ANK1: variants seen among roughly 807,000 people sequenced by gnomAD.
ANK1 encodes the protein ankyrin 1.
ANK1 carries 51 observed loss-of-function variants against 210.4 expected under a neutral mutation model. The observed-to-expected ratio is 0.24, with a 90% CI of 0.19 to 0.31. ANK1 has a LOEUF of 0.31. Among genes scored for constraint, ANK1 ranks in the 10% least tolerant of loss-of-function variants. The pLI is 1.00. For synonymous variants in ANK1, 967 were observed against 1,025.9 expected (o/e 0.94, Z 1.10); for missense variants, 2,051 against 2,504.4 (o/e 0.82, Z 3.86).
chr8:41,769,967 TTTC>T (rs144633376), intron 1 of ANK1, among the ~76,000 whole-genome samples: 14,252 of 134,176 alleles, frequency 0.11, 536 homozygotes, highest in South Asian at 0.11. Flanking sequence ...TTCTTTTTTT[TTTC>T]TTTTTTCTTT....
chr8:41,800,997 G>A (rs188726677), upstream of ANK1, among the ~76,000 whole-genome samples: 12 of 152,212 alleles, frequency 7.9e-5, no homozygotes, highest in Admixed American at 4.6e-4. Context: ...TATGCTGTGT[G>A]AATTCTTCTG....
At chr8:41,765,036 G>A (rs746975348) in intron 1 of ANK1, among the ~76,000 whole-genome samples, 4 of 152,030 alleles carry the variant, frequency 2.6e-5, no homozygotes, top group East Asian at 1.9e-4. Context: ...GTGCTATACC[G>A]CTTCCTGGGT....
chr8:41,845,714 C>T (rs1170038270), intron 1 of ANK1, among the ~76,000 whole-genome samples: 1 of 152,126 alleles, frequency 6.6e-6, no homozygotes. Context: ...AATTATGTCT[C>T]CTCACGAAAT....
intron 1 of ANK1, among the ~76,000 whole-genome samples, chr8:41,886,541 T>C (rs1410219130): frequency 6.6e-6 from 1 of 152,228 alleles, no homozygotes; most frequent in East Asian, 1.9e-4. Flanking sequence ...TACACTGGAA[T>C]AGTATGGGAC....
chr8:41,725,665 C>G, intron 6 of ANK1, 96 bp downstream of exon 6: 1 of 1,508,440 alleles, frequency 6.6e-7, no homozygotes, highest in East Asian at 2.4e-5. Flanking sequence ...CCTGCACGCT[C>G]GGTTCTCCTG....
chr8:41,713,168 C>T (rs1156727258), intron 16 of ANK1, among the ~76,000 whole-genome samples: 1 of 152,242 alleles, frequency 6.6e-6, no homozygotes, highest in Non-Finnish European at 1.5e-5. Context: ...GGCTCCTTCT[C>T]TGCAGCACTT....
At chr8:41,749,821 A>G (rs1223478252) in intron 2 of ANK1, among the ~76,000 whole-genome samples, 1 of 151,802 alleles carries the variant, frequency 6.6e-6, no homozygotes, top group African/African-American at 2.4e-5. Flanking sequence ...CATGTTAGTC[A>G]GGCTCGTCTC....
chr8:41,693,749 C>T (rs944380031), intron 29 of ANK1, 149 bp downstream of exon 29: 2 of 905,270 alleles, frequency 2.2e-6, no homozygotes, highest in African/African-American at 1.7e-5. Flanking sequence ...ATACATCATC[C>T]TTCCATCTCT....
chr8:41,756,440 G>A (rs1211076024), intron 2 of ANK1, among the ~76,000 whole-genome samples: 13 of 149,642 alleles, frequency 8.7e-5, no homozygotes, highest in Admixed American at 3.4e-4. Flanking sequence ...CACCGCGCCC[G>A]GTCTATTTTA....
At chr8:41,893,050 A>C (rs1819750751) in intron 1 of ANK1, among the ~76,000 whole-genome samples, 1 of 151,306 alleles carries the variant, frequency 6.6e-6, no homozygotes, top group Non-Finnish European at 1.5e-5. Context: ...CTCCCTATCC[A>C]CTCTTCCTTC....
chr8:41,779,909 T>C (rs990863990), intron 1 of ANK1, among the ~76,000 whole-genome samples: 4 of 152,118 alleles, frequency 2.6e-5, no homozygotes, highest in Non-Finnish European at 5.9e-5. Flanking sequence ...GCTCAGAAAT[T>C]CTGAGGAAGT....
At chr8:41,660,832 T>C (rs1178399789) in intron 42 of ANK1, among the ~76,000 whole-genome samples, 1 of 152,190 alleles carries the variant, frequency 6.6e-6, no homozygotes, top group African/African-American at 2.4e-5. Context: ...TGGTGAGAAC[T>C]GTAGCTGGGC....
At chr8:41,880,076 A>G (rs1468005279) in intron 1 of ANK1, among the ~76,000 whole-genome samples, 4 of 152,214 alleles carry the variant, frequency 2.6e-5, no homozygotes, top group South Asian at 2.1e-4. Context: ...CATTTTTTGC[A>G]TAGCACGGGA....
At chr8:41,849,965 C>G (rs985077263) in intron 1 of ANK1, among the ~76,000 whole-genome samples, 6 of 152,132 alleles carry the variant, frequency 3.9e-5, no homozygotes, top group African/African-American at 1.4e-4. Flanking sequence ...CCTTTATGGC[C>G]TTCCTCTGAT....
chr8:41,749,014 G>A (rs960702699), intron 2 of ANK1, among the ~76,000 whole-genome samples: 16 of 149,108 alleles, frequency 1.1e-4, no homozygotes, highest in South Asian at 4.3e-4. Context: ...CAACCTGGGC[G>A]ACAGAGCAAG....
chr8:41,665,201 A>AC, intron 39 of ANK1: 1 of 1,530,056 alleles, frequency 6.5e-7, no homozygotes, highest in Non-Finnish European at 8.7e-7. Context: ...TGGGCAGGAC[A>AC]CCGAATGGCC....
At chr8:41,709,663 C>T (rs1022532430) in intron 16 of ANK1, among the ~76,000 whole-genome samples, 34 of 152,200 alleles carry the variant, frequency 2.2e-4, no homozygotes, top group African/African-American at 8.2e-4. Context: ...TGGCAGGGCA[C>T]AGTGTTCATG....
intron 39 of ANK1, chr8:41,664,752 C>T (rs983459870): frequency 2.0e-5 from 30 of 1,527,798 alleles, no homozygotes; most frequent in Admixed American, 9.6e-5. Context: ...CCCTCAGCCC[C>T]GGCCTCCGGC....
chr8:41,751,993 C>T (rs892926684), intron 2 of ANK1, among the ~76,000 whole-genome samples: 1 of 152,152 alleles, frequency 6.6e-6, no homozygotes, highest in African/African-American at 2.4e-5. Flanking sequence ...CCAAGCAAAC[C>T]ACTCTTACTC....
Sources: gnomAD v4.1 joint callset for allele counts (sites outside exome capture counted in the v4.1 genomes callset) on GRCh38, gnomAD v4.1.1 for gene constraint, MANE v1.5 for transcripts, NCBI Gene and HGNC (gene_info 2026-07-23, HGNC 2026-07-21) for gene names.